Variants in C11orf65 observed in about 807,000 individuals in gnomAD.
The protein encoded by C11orf65 is protein MFI.
Under a neutral mutation model 35.3 loss-of-function variants are expected in C11orf65, and 38 were observed. That is an observed-to-expected ratio of 1.08 (90% CI 0.83 to 1.41). C11orf65 has a LOEUF of 1.41. Ranked by LOEUF, C11orf65 falls within the 40% of genes most tolerant of loss-of-function variation. C11orf65 has a pLI of 0.00. For synonymous variants in C11orf65, 105 were observed against 114.4 expected (o/e 0.92, Z 0.53); for missense variants, 370 against 367.1 (o/e 1.01, Z -0.06).
chr11:108,352,923 A>T (rs569012302), intron 2 of C11orf65, among the ~76,000 whole-genome samples: 1 of 152,268 alleles, frequency 6.6e-6, no homozygotes, highest in African/African-American at 2.4e-5. Flanking sequence ...AGGGGGTCAG[A>T]GGGCTGGGTG....
intron 2 of C11orf65, among the ~76,000 whole-genome samples, chr11:108,453,678 C>A (rs539688277): frequency 3.9e-5 from 6 of 152,178 alleles, no homozygotes; most frequent in African/African-American, 1.4e-4. Flanking sequence ...TGATCACATG[C>A]TTTTTGTCCT....
At chr11:108,393,161 A>G in intron 7 of C11orf65, 47 bp downstream of exon 7, 1 of 1,535,568 alleles carries the variant, frequency 6.5e-7, no homozygotes, top group Non-Finnish European at 8.8e-7. Flanking sequence ...TTAGAAAAAA[A>G]CTATGATGAC....
intron 2 of C11orf65, among the ~76,000 whole-genome samples, chr11:108,448,678 A>T (rs1429876156): frequency 6.6e-6 from 1 of 152,216 alleles, no homozygotes; most frequent in East Asian, 1.9e-4. Context: ...AGCCAATATC[A>T]TACTGAATGG....
rs571178980 is a variant in C11orf65 at position 108,319,753 on chromosome 11, T to TG, written c.641-10683_641-10682insC. Among the ~76,000 whole-genome samples, 421 of 152,372 alleles carry TG rather than the reference T, an allele frequency of 2.8e-3. 1 individual carries two copies. Among genetic ancestry groups the TG allele is most frequent in the African/African-American group, 9.7e-3 (403 of 41,590 alleles). ...AGCATATTTAGAACCAGGCAGAGTA[T>TG]CTGAGTAATTTCCTTTTTTTCTGCT... is the stretch of plus-strand genomic sequence containing the variant. On this transcript the variant is annotated intron_variant, in intron 6 of 6. Transcript: ENST00000525729.
intron 2 of C11orf65, among the ~76,000 whole-genome samples, chr11:108,445,331 G>C (rs1051205774): frequency 6.6e-6 from 1 of 152,210 alleles, no homozygotes; most frequent in Non-Finnish European, 1.5e-5. Context: ...TGACCCCCGA[G>C]CAGCCTAACT....
rs1555126153 is a variant in C11orf65 at position 108,333,883 on chromosome 11, C to T, written c.299+1337G>A. On this transcript the variant is annotated intron_variant, in intron 3 of 3. Coordinates refer to the C11orf65 transcript ENST00000524755. ...ACTAAAATCTCTTCATTTTTAAATA[C>T]AGAAGGCATAAATATTCCAGCAGAC... 6 of 1,598,090 alleles carry T rather than the reference C, an allele frequency of 3.8e-6. No homozygotes were observed. Among genetic ancestry groups the T allele is most frequent in the Non-Finnish European group, 4.3e-6 (5 of 1,165,566 alleles).
chr11:108,360,199 A>G (rs1486071058), intron 2 of C11orf65, among the ~76,000 whole-genome samples: 1 of 150,572 alleles, frequency 6.6e-6, no homozygotes, highest in East Asian at 2.0e-4. Context: ...AATCTAGAAG[A>G]AATGGATAAA....
At chr11:108,390,425 C>A (rs1393836259) in intron 7 of C11orf65, among the ~76,000 whole-genome samples, 1 of 152,138 alleles carries the variant, frequency 6.6e-6, no homozygotes, top group Non-Finnish European at 1.5e-5. Context: ...CCTATTTTTT[C>A]TTCCCTTTGA....
intron 3 of C11orf65, among the ~76,000 whole-genome samples, chr11:108,430,156 T>A (rs1326347717): frequency 7.1e-5 from 10 of 141,580 alleles, no homozygotes; most frequent in Admixed American, 7.5e-5. Context: ...TGAGACAGAG[T>A]CTTGCTCTGT....
intron 6 of C11orf65, chr11:108,325,626 G>T: frequency 2.5e-6 from 3 of 1,184,864 alleles, no homozygotes; most frequent in Non-Finnish European, 3.7e-6. Context: ...GAGGGAAAAA[G>T]AAATGTCATT....
rs1292833282 is a variant in C11orf65 at position 108,320,047 on chromosome 11, C to G, written c.641-10976G>C. On this transcript the variant is annotated intron_variant, in intron 6 of 6. Coordinates refer to the C11orf65 transcript ENST00000525729. ...AATTCTCTACATTTTATGAAAGTCT[C>G]AAATATGCCAGGTATTATGAAAAGA... The G allele has an allele frequency of 6.3e-7, 1 of 1,590,936 alleles. No individual in the cohort carries two copies. Among genetic ancestry groups the G allele is most frequent in the South Asian group, 1.1e-5 (1 of 90,572 alleles).
rs375141535 is a variant in C11orf65 at position 108,449,932 on chromosome 11, A to G, written c.81+11547T>C. The stretch of plus-strand genomic sequence containing the variant: ...AAGAATCTACAATGAACTCAAACAA[A>G]TTTACAAGAGAAAAAAAAACCCATC... On this transcript the variant is annotated intron_variant, in intron 2 of 8. Coordinates refer to ENST00000393084, the MANE Select transcript of C11orf65 (RefSeq NM_152587.5). Among the ~76,000 whole-genome samples, 14 of 152,024 alleles carry G rather than the reference A, an allele frequency of 9.2e-5. No homozygotes were observed. In the East Asian group the frequency reaches 2.1e-3, roughly 23 times the overall value.
chr11:108,435,463 C>A (rs2093047590), intron 2 of C11orf65, among the ~76,000 whole-genome samples: 1 of 151,950 alleles, frequency 6.6e-6, no homozygotes, highest in South Asian at 2.1e-4. Context: ...TTTAGTAATA[C>A]CATATTCTGT....
At chr11:108,396,714 G>C (rs2356711) in intron 6 of C11orf65, among the ~76,000 whole-genome samples, 4 of 151,592 alleles carry the variant, frequency 2.6e-5, no homozygotes, top group Admixed American at 6.6e-5. Flanking sequence ...GGTGCTTGTA[G>C]TCCCAGCTAC....
At chr11:108,413,164 C>T (rs947769151) in intron 3 of C11orf65, among the ~76,000 whole-genome samples, 2 of 152,214 alleles carry the variant, frequency 1.3e-5, no homozygotes, top group Admixed American at 6.5e-5. Flanking sequence ...AGACCACGTT[C>T]TGGGCCATAA....
At chr11:108,458,398 A>G (rs7110127) in intron 2 of C11orf65, among the ~76,000 whole-genome samples, 89,990 of 146,024 alleles carry the variant, frequency 0.62, 28,165 homozygotes, top group Middle Eastern at 0.76. Context: ...GGAGAAGATC[A>G]CCAGACAGGA....
intron 2 of C11orf65, among the ~76,000 whole-genome samples, chr11:108,447,571 G>A (rs1313481570): frequency 6.6e-6 from 1 of 152,064 alleles, no homozygotes; most frequent in African/African-American, 2.4e-5. Context: ...AAATAAAGAC[G>A]TTCTTTGAAA....
chr11:108,315,311 C>G (rs1388996418), intron 6 of C11orf65, among the ~76,000 whole-genome samples: 1 of 152,178 alleles, frequency 6.6e-6, no homozygotes, highest in African/African-American at 2.4e-5. Flanking sequence ...AATACTGCAT[C>G]TTTACATTTG....
chr11:108,461,992 A>G (rs2093478998), intron 1 of C11orf65, among the ~76,000 whole-genome samples: 1 of 152,226 alleles, frequency 6.6e-6, no homozygotes, highest in South Asian at 2.1e-4. Flanking sequence ...AGTTGTATAA[A>G]TAAAACAATT....
Sources: gnomAD v4.1 joint callset for allele counts (sites outside exome capture counted in the v4.1 genomes callset) on GRCh38, gnomAD v4.1.1 for gene constraint, MANE v1.5 for transcripts, NCBI Gene and HGNC (gene_info 2026-07-23, HGNC 2026-07-21) for gene names.